The following SPAG17 variants were observed in gnomAD, a reference collection of about 807,000 sequenced individuals.
SPAG17 encodes sperm associated antigen 17, also known as sperm-associated antigen 17.
A neutral mutation model predicts 273.6 loss-of-function variants in SPAG17; 169 were observed. That is an observed-to-expected ratio of 0.62 (90% CI 0.55 to 0.70). The LOEUF (loss-of-function observed/expected upper bound fraction) is 0.70, where lower values mean the gene tolerates loss of function less well. Among genes scored for constraint, SPAG17 ranks in the 30% least tolerant of loss-of-function variants. The pLI, the probability that SPAG17 is intolerant of heterozygous loss-of-function variation, is 0.00. For missense variants in SPAG17, 2,557 were observed against 2,627.8 expected (o/e 0.97, Z 0.59); for synonymous variants, 825 against 873.2 (o/e 0.94, Z 0.97).
intron 7 of SPAG17, among the ~76,000 whole-genome samples, chr1:118,095,534 C>A (rs1429529708): frequency 6.6e-6 from 1 of 152,104 alleles, no homozygotes; most frequent in East Asian, 1.9e-4. Context: ...TGTAGCCAGG[C>A]CTTGGCCCAA....
At chr1:118,122,368 C>T (rs969682423) in intron 3 of SPAG17, among the ~76,000 whole-genome samples, 10 of 152,166 alleles carry the variant, frequency 6.6e-5, no homozygotes, top group Admixed American at 4.6e-4. Context: ...TAATCAGTTG[C>T]GGAAGCCATA....
intron 28 of SPAG17, among the ~76,000 whole-genome samples, chr1:118,023,024 T>G (rs184080454): frequency 1.6e-4 from 25 of 152,064 alleles, no homozygotes; most frequent in African/African-American, 5.8e-4. Flanking sequence ...ATCTGCCCAG[T>G]CAACCCTAAA....
intron 1 of SPAG17, among the ~76,000 whole-genome samples, chr1:118,158,203 G>A (rs895399912): frequency 6.6e-6 from 1 of 152,230 alleles, no homozygotes; most frequent in Non-Finnish European, 1.5e-5. Flanking sequence ...AAGAGAATGT[G>A]AGTGTGGCAG....
intron 3 of SPAG17, among the ~76,000 whole-genome samples, chr1:118,129,835 T>C (rs1023694817): frequency 6.6e-6 from 1 of 151,986 alleles, no homozygotes; most frequent in African/African-American, 2.4e-5. Flanking sequence ...CTCTTCCTCT[T>C]CTTCTTCCAT....
intron 48 of SPAG17, among the ~76,000 whole-genome samples, chr1:117,955,919 C>T (rs1051900726): frequency 1.3e-5 from 2 of 152,122 alleles, no homozygotes; most frequent in Non-Finnish European, 2.9e-5. Context: ...TCTTAAGAGT[C>T]CTAGCAGCCT....
chr1:118,097,240 A>T (rs766029361), intron 7 of SPAG17, among the ~76,000 whole-genome samples: 1 of 141,996 alleles, frequency 7.0e-6, no homozygotes, highest in Admixed American at 7.1e-5. Flanking sequence ...AAAAAAAAAA[A>T]GGGGGGAATA....
intron 4 of SPAG17, among the ~76,000 whole-genome samples, chr1:118,110,860 G>C (rs1255120269): frequency 6.6e-6 from 1 of 152,210 alleles, no homozygotes; most frequent in African/African-American, 2.4e-5. Context: ...GGAAGGATAT[G>C]TATGGGGGTT....
chr1:118,051,837 T>C (rs1483039959), intron 20 of SPAG17, among the ~76,000 whole-genome samples: 2 of 132,128 alleles, frequency 1.5e-5, no homozygotes, highest in African/African-American at 2.7e-5. Context: ...TATTATAATA[T>C]ATAAACTATA....
chr1:118,056,668 T>C (rs1651709405), intron 18 of SPAG17, among the ~76,000 whole-genome samples: 2 of 152,342 alleles, frequency 1.3e-5, no homozygotes, highest in South Asian at 4.1e-4. Context: ...AAAGTGCAGC[T>C]TAAGGTTTTG....
intron 15 of SPAG17, among the ~76,000 whole-genome samples, chr1:118,080,115 G>A (rs1171260882): frequency 6.6e-6 from 1 of 152,038 alleles, no homozygotes; most frequent in African/African-American, 2.4e-5. Flanking sequence ...ATTTTGCCCA[G>A]GCTGGTCTTG....
chr1:118,071,420 C>T (rs1396560023), intron 17 of SPAG17, among the ~76,000 whole-genome samples: 1 of 151,918 alleles, frequency 6.6e-6, no homozygotes, highest in African/African-American at 2.4e-5. Context: ...GAGGCCAAGG[C>T]GGGTGGATCA....
At chr1:118,049,207 T>C (rs1331740317) in intron 20 of SPAG17, among the ~76,000 whole-genome samples, 1 of 152,168 alleles carries the variant, frequency 6.6e-6, no homozygotes, top group African/African-American at 2.4e-5. Context: ...AGAGAATACT[T>C]CCAAACCCAT....
At chr1:117,957,327 A>AAAGTGCTGGGATTAC in intron 48 of SPAG17, 2 of 1,200,970 alleles carry the variant, frequency 1.7e-6, no homozygotes, top group Non-Finnish European at 2.2e-6. Context: ...CCGTAATCCC[A>AAAGTGCTGGGATTAC]GCACTTTGGG....
chr1:118,066,666 C>A (rs1311777995), intron 18 of SPAG17, 79 bp downstream of exon 18: 4 of 1,264,540 alleles, frequency 3.2e-6, no homozygotes, highest in Non-Finnish European at 4.5e-6. Flanking sequence ...GGGTAAGGAA[C>A]TAACACCTAA....
chr1:117,995,177 C>T (rs555176064), intron 34 of SPAG17, among the ~76,000 whole-genome samples: 1 of 152,118 alleles, frequency 6.6e-6, no homozygotes, highest in Non-Finnish European at 1.5e-5. Flanking sequence ...CTTAATTAAC[C>T]ATTACCTACC....
chr1:118,025,352 C>A lies in SPAG17; in HGVS notation c.3795G>T (p.Arg1265Ser), dbSNP rs1294052819. The A allele has an allele frequency of 1.2e-6, 2 of 1,612,716 alleles. No individual in the cohort carries two copies. The highest frequency in any genetic ancestry group is 1.7e-6 in the Non-Finnish European group (2 of 1,179,478). ...TTTTATAGAACTCATAGTGCTTCACCCTCTGGGGGTAGCTCTGACGGACCA... is the reference window on the plus strand; with the variant it reads ...TTTTATAGAACTCATAGTGCTTCACACTCTGGGGGTAGCTCTGACGGACCA... ...DIMVRQSYPQ[R>S]VKHYEFYKTV... The change falls in exon 27 of 49, where the codon AGG becomes AGT. Residue 1265 changes from arginine (R) to serine (S), a missense_variant. Coordinates refer to ENST00000336338, the MANE Select transcript of SPAG17 (RefSeq NM_206996.4).
chr1:118,004,421 A>G (rs1444006194), intron 32 of SPAG17, among the ~76,000 whole-genome samples: 1 of 152,226 alleles, frequency 6.6e-6, no homozygotes, highest in Admixed American at 6.5e-5. Context: ...CTGCCCACAG[A>G]GGTGGAGACT....
rs563947354 is a variant in SPAG17, at chr1:117,965,701, A to G, written c.6532+908T>C. The G allele has an allele frequency of 2.0e-5, 3 of 152,350 alleles. No individual in the cohort carries two copies. The East Asian group carries it at 5.8e-4, about 29-fold the overall frequency. 9.4% of individuals were successfully genotyped at this position (152,350 alleles called of 1,614,324 possible). A position where few individuals can be genotyped will look rare whatever the true frequency, so the allele number is the denominator to read the frequency against. On this transcript the variant is annotated intron_variant, in intron 47 of 48. Transcript: ENST00000336338. The stretch of plus-strand genomic sequence containing the variant: ...TGTTCCCCTTTGACATGTCCTGCAC[A>G]ATAACCCTGGATTCATCTTAATAAA...
At chr1:117,983,176 C>T (rs986256775) in intron 42 of SPAG17, among the ~76,000 whole-genome samples, 7 of 152,268 alleles carry the variant, frequency 4.6e-5, no homozygotes, top group South Asian at 4.1e-4. Context: ...AAATAGAGAG[C>T]GAGCTTGTGC....
Sources: allele counts gnomAD v4.1 joint callset (sites outside exome capture counted in the v4.1 genomes callset), GRCh38; gene constraint gnomAD v4.1.1; transcripts MANE v1.5; gene names NCBI Gene and HGNC (gene_info 2026-07-23, HGNC 2026-07-21).